The following ZC2HC1A variants were observed in gnomAD, a reference collection of about 807,000 sequenced individuals.
ZC2HC1A encodes the protein zinc finger C2HC-type containing 1A.
Under a neutral mutation model 40.7 loss-of-function variants are expected in ZC2HC1A, and 28 were observed. The observed-to-expected ratio is 0.69, with a 90% CI of 0.51 to 0.94. ZC2HC1A has a LOEUF of 0.94. Among genes scored for constraint, ZC2HC1A ranks in the 40% least tolerant of loss-of-function variants. ZC2HC1A has a pLI of 0.00. For missense variants in ZC2HC1A, 389 were observed against 386.3 expected (o/e 1.01, Z -0.06); for synonymous variants, 129 against 129.2 (o/e 1.00, Z 0.01).
chr8:78,712,018 C>T (rs756642014), intron 7 of ZC2HC1A: 5 of 1,289,474 alleles, frequency 3.9e-6, no homozygotes, highest in South Asian at 1.2e-5. Flanking sequence ...CCCTCCACTT[C>T]GAACGGGAAG....
At chr8:78,697,941 G>A (rs1311866663) in intron 6 of ZC2HC1A, among the ~76,000 whole-genome samples, 2 of 152,112 alleles carry the variant, frequency 1.3e-5, no homozygotes, top group Non-Finnish European at 2.9e-5. Context: ...GCCTCCTAAA[G>A]TGCTGAGATT....
At chr8:78,694,360 C>T (rs1178509128) in intron 5 of ZC2HC1A, among the ~76,000 whole-genome samples, 1 of 151,116 alleles carries the variant, frequency 6.6e-6, no homozygotes, top group African/African-American at 2.4e-5. Context: ...CTGCTTGTTA[C>T]AAGTAAAACG....
chr8:78,706,099 G>T (rs1468618633), intron 7 of ZC2HC1A, among the ~76,000 whole-genome samples: 3 of 152,144 alleles, frequency 2.0e-5, no homozygotes, highest in Non-Finnish European at 4.4e-5. Context: ...ACTCTCCAAA[G>T]CCTGCAGAAC....
chr8:78,716,923 CA>C (rs1262045736), intron 8 of ZC2HC1A, among the ~76,000 whole-genome samples: 1 of 152,154 alleles, frequency 6.6e-6, no homozygotes, highest in African/African-American at 2.4e-5. Context: ...CCATGTAAGA[CA>C]TGCTTGCTTC....
At chr8:78,693,234 T>C (rs1586005330) in intron 5 of ZC2HC1A, among the ~76,000 whole-genome samples, 1 of 152,292 alleles carries the variant, frequency 6.6e-6, no homozygotes, top group East Asian at 1.9e-4. Context: ...TATAGTCCTT[T>C]GGGTATATAC....
At chr8:78,681,604 T>G (rs1482171749) in intron 3 of ZC2HC1A, among the ~76,000 whole-genome samples, 1 of 152,152 alleles carries the variant, frequency 6.6e-6, no homozygotes, top group Admixed American at 6.5e-5. Context: ...CTGAAAGAGT[T>G]TGTGTAATAT....
intron 5 of ZC2HC1A, among the ~76,000 whole-genome samples, chr8:78,690,475 G>A (rs771773321): frequency 5.9e-5 from 9 of 151,756 alleles, no homozygotes; most frequent in Non-Finnish European, 1.0e-4. Flanking sequence ...CAGGAGAATG[G>A]TGTGAACCTG....
intron 1 of ZC2HC1A, among the ~76,000 whole-genome samples, chr8:78,668,096 A>G (rs1809352060): frequency 6.6e-6 from 1 of 152,118 alleles, no homozygotes; most frequent in South Asian, 2.1e-4. Context: ...AAGCAGTTCA[A>G]TCTAATAAAA....
chr8:78,707,685 C>T (rs1810818217), intron 7 of ZC2HC1A, among the ~76,000 whole-genome samples: 1 of 152,120 alleles, frequency 6.6e-6, no homozygotes, highest in South Asian at 2.1e-4. Context: ...ATTGTCCATT[C>T]TGTATAAGAT....
chr8:78,703,207 A>G lies in ZC2HC1A; in HGVS notation c.704+4694A>G, dbSNP rs1363429274. On this transcript the variant is annotated intron_variant, in intron 7 of 8. Coordinates refer to ENST00000263849, the MANE Select transcript of ZC2HC1A (RefSeq NM_016010.3). Reference sequence around the variant, plus strand: ...CCACCGCGCCTGGCCCATGTGATCAATTTTAGAGTATGTGCCAGATGGTGA... The same window carrying G: ...CCACCGCGCCTGGCCCATGTGATCAGTTTTAGAGTATGTGCCAGATGGTGA... 2.6e-5 allele frequency among the ~76,000 whole-genome samples: 4 copies of G among 152,238 alleles called. No individual in the cohort carries two copies. In the East Asian group the frequency reaches 5.8e-4, roughly 22 times the overall value.
rs1586025057 is a variant in ZC2HC1A at position 78,707,548 on chromosome 8, A to C, written c.705-7673A>C. 5.9e-5 allele frequency among the ~76,000 whole-genome samples: 9 copies of C among 152,338 alleles called. No individual in the cohort carries two copies. The South Asian group carries it at 1.4e-3, about 25-fold the overall frequency. On this transcript the variant is annotated intron_variant, in intron 7 of 8. Coordinates refer to ENST00000263849, the MANE Select transcript of ZC2HC1A (RefSeq NM_016010.3). The stretch of plus-strand genomic sequence containing the variant: ...TAATGGAAAATATGCTTTTGCTAAC[A>C]AGCAGAGATTTTGAGTACAATAATT...
At chr8:78,696,209 T>C (rs1391306555) in intron 5 of ZC2HC1A, among the ~76,000 whole-genome samples, 3 of 152,216 alleles carry the variant, frequency 2.0e-5, no homozygotes, top group Non-Finnish European at 4.4e-5. Context: ...TAATTTTTTG[T>C]ATTTTTAGTA....
Position 78,686,573 on chromosome 8 carries a change from A to G in ZC2HC1A, c.317A>G (p.Lys106Arg), listed in dbSNP as rs1370358952. Reference protein sequence around the residue: ...GLDQALKEGGKLPPPPPPSYD... With the variant: ...GLDQALKEGGRLPPPPPPSYD... ...GATCAGGCCCTCAAAGAGGGTGGCA[A>G]ACTTCCTCCTCCTCCTCCACCTTCT... The change falls in exon 4 of 9, where the codon AAA becomes AGA. Residue 106 changes from lysine to arginine, a missense_variant. Coordinates refer to ENST00000263849, the MANE Select transcript of ZC2HC1A (RefSeq NM_016010.3). The G allele has an allele frequency of 1.1e-5, 17 of 1,535,636 alleles. No homozygotes were observed. Among genetic ancestry groups the G allele is most frequent in the South Asian group, 4.0e-5 (3 of 75,360 alleles).
chr8:78,699,579 A>T (rs1810535965), intron 7 of ZC2HC1A, among the ~76,000 whole-genome samples: 1 of 152,112 alleles, frequency 6.6e-6, no homozygotes, highest in African/African-American at 2.4e-5. Context: ...TATTAAGCCT[A>T]GTACCCATCA....
At chr8:78,672,531 G>A (rs1358175677) in intron 1 of ZC2HC1A, among the ~76,000 whole-genome samples, 1 of 152,102 alleles carries the variant, frequency 6.6e-6, no homozygotes, top group Non-Finnish European at 1.5e-5. Context: ...TCACTTAACT[G>A]ATCACCAGCA....
At chr8:78,684,087 C>T (rs1474547467) in intron 3 of ZC2HC1A, among the ~76,000 whole-genome samples, 1 of 152,174 alleles carries the variant, frequency 6.6e-6, no homozygotes, top group Non-Finnish European at 1.5e-5. Context: ...GTCTTCTGAG[C>T]CCTCCAAACT....
At chr8:78,682,237 G>A (rs1809811054) in intron 3 of ZC2HC1A, among the ~76,000 whole-genome samples, 1 of 152,122 alleles carries the variant, frequency 6.6e-6, no homozygotes, top group African/African-American at 2.4e-5. Flanking sequence ...AGGTTAAACT[G>A]TAACCAATAC....
intron 5 of ZC2HC1A, among the ~76,000 whole-genome samples, chr8:78,694,696 C>T (rs1325360814): frequency 6.6e-6 from 1 of 152,056 alleles, no homozygotes; most frequent in Non-Finnish European, 1.5e-5. Flanking sequence ...ACCATTTTGT[C>T]AGAAATGGAT....
intron 7 of ZC2HC1A, among the ~76,000 whole-genome samples, chr8:78,712,391 T>A (rs1810978714): frequency 6.6e-6 from 1 of 152,088 alleles, no homozygotes; most frequent in African/African-American, 2.4e-5. Flanking sequence ...TTTATGAAGT[T>A]TTTTTTAGTA....
Sources: gnomAD v4.1 joint callset for allele counts (sites outside exome capture counted in the v4.1 genomes callset) on GRCh38, gnomAD v4.1.1 for gene constraint, MANE v1.5 for transcripts, NCBI Gene and HGNC (gene_info 2026-07-23, HGNC 2026-07-21) for gene names.